L2HGDH: variants seen among roughly 807,000 people sequenced by gnomAD.
L2HGDH encodes L-2-hydroxyglutarate dehydrogenase, mitochondrial.
A neutral mutation model predicts 51.5 loss-of-function variants in L2HGDH; 34 were observed. That is an observed-to-expected ratio of 0.66 (90% CI 0.50 to 0.88). The LOEUF is 0.88. Among genes scored for constraint, L2HGDH ranks in the 40% least tolerant of loss-of-function variants. The pLI, the probability that L2HGDH is intolerant of heterozygous loss-of-function variation, is 0.00. For synonymous variants in L2HGDH, 198 were observed against 197.9 expected, an observed-to-expected ratio of 1.00 and a Z score of -0.01; for missense variants, 558 against 571.9, an observed-to-expected ratio of 0.98 and a Z score of 0.25.
chr14:50,311,950 C>G, intron 1 of L2HGDH, 61 bp downstream of exon 1: 1 of 1,535,200 alleles, frequency 6.5e-7, no homozygotes, highest in Non-Finnish European at 8.7e-7. Context: ...ACAGGTCCAC[C>G]ACCAGGTGCC....
chr14:50,310,111 A>G (rs2030999183), intron 1 of L2HGDH, among the ~76,000 whole-genome samples: 1 of 152,170 alleles, frequency 6.6e-6, no homozygotes, highest in South Asian at 2.1e-4. Context: ...AAAGCTGAAC[A>G]ATGTCCGTGG....
intron 6 of L2HGDH, among the ~76,000 whole-genome samples, chr14:50,276,844 A>T (rs1334734868): frequency 6.6e-6 from 1 of 152,220 alleles, no homozygotes; most frequent in Non-Finnish European, 1.5e-5. Context: ...ATTATCTAAC[A>T]CAGGGTTTCT....
chr14:50,291,951 C>T (rs1367581171), intron 4 of L2HGDH, among the ~76,000 whole-genome samples: 3 of 151,972 alleles, frequency 2.0e-5, no homozygotes, highest in African/African-American at 4.8e-5. Context: ...AACCAATACA[C>T]GAATTTAACT....
At chr14:50,276,973 T>A (rs1464934131) in intron 6 of L2HGDH, among the ~76,000 whole-genome samples, 7 of 152,198 alleles carry the variant, frequency 4.6e-5, no homozygotes, top group African/African-American at 7.2e-5. Context: ...CCAGTAGCTG[T>A]GTCCCTCCCC....
In L2HGDH at chr14:50,242,824, G is replaced by A. The variant is rs1887855475; in HGVS notation, c.*4234C>T. Reference sequence around the variant, plus strand: ...GATAATAGTGTATGCGCAGAAAGATGAGGAAACCTCTGACCAAGAAGTCTA... The same window carrying A: ...GATAATAGTGTATGCGCAGAAAGATAAGGAAACCTCTGACCAAGAAGTCTA... On this transcript the variant is annotated 3_prime_UTR_variant, in exon 10 of 10. Transcript: ENST00000267436. The A allele has an allele frequency of 1.0e-6, 1 of 985,318 alleles. No individual in the cohort carries two copies. The highest frequency in any genetic ancestry group is 4.7e-5 in the South Asian group (1 of 21,284). 61.0% of individuals were successfully genotyped at this position (985,318 alleles called of 1,614,324 possible). A position where few individuals can be genotyped will look rare whatever the true frequency, so the allele number is the denominator to read the frequency against.
chr14:50,293,311 C>T (rs116103825), intron 4 of L2HGDH: 1 of 701,698 alleles, frequency 1.4e-6, no homozygotes, highest in Non-Finnish European at 2.6e-6. Context: ...ACACCTTGAC[C>T]CCTAACTTAT....
At chr14:50,280,815 T>TA (rs1056851540) in intron 5 of L2HGDH, among the ~76,000 whole-genome samples, 4 of 149,950 alleles carry the variant, frequency 2.7e-5, no homozygotes, top group East Asian at 2.0e-4. Flanking sequence ...CGCCCAGCCC[T>TA]AAAAAAAAAA....
rs770621424 is a variant in L2HGDH, at chr14:50,269,264, ACT to A, written c.803_804del (p.Glu268ValfsTer7). ...CAGLYSDRISELSGCTPDPRI... is the reference protein window; with the variant it reads ...CAGLYSDRISXLSGCTPDPRI... ...CGAGGATCAGGAGTGCAGCCACTCA[ACT>A]CTGAAATACGGTCTGAGTAAAGTCC... On this transcript the variant is annotated frameshift_variant, in exon 7 of 10. Coordinates refer to ENST00000267436, the MANE Select transcript of L2HGDH (RefSeq NM_024884.3). LOFTEE classifies it high-confidence loss of function. The A allele has an allele frequency of 6.2e-7, 1 of 1,614,072 alleles. No individual in the cohort carries two copies. Among genetic ancestry groups the A allele is most frequent in the East Asian group, 2.2e-5 (1 of 44,872 alleles).
chr14:50,271,307 TC>T (rs1371152923), intron 6 of L2HGDH, among the ~76,000 whole-genome samples: 3 of 152,170 alleles, frequency 2.0e-5, no homozygotes, highest in Non-Finnish European at 2.9e-5. Context: ...TGCAGATAAG[TC>T]CTATGATAGA....
In L2HGDH at chr14:50,256,137, G is replaced by A. The variant is rs115263117; in HGVS notation, c.1197-8884C>T. Among the ~76,000 whole-genome samples the A allele has an allele frequency of 4.1e-3, 622 of 152,198 alleles. 7 individuals carry two copies. Among genetic ancestry groups the A allele is most frequent in the African/African-American group, 0.013 (531 of 41,540 alleles). On this transcript the variant is annotated intron_variant, in intron 9 of 9. Transcript: ENST00000267436. ...CACTACAGGTTGGAAAAACAGCTAC[G>A]AAAAGCTGTAACAGGCATCTTCAGC...
chr14:50,309,374 C>G (rs2030917351), intron 1 of L2HGDH, among the ~76,000 whole-genome samples: 1 of 152,010 alleles, frequency 6.6e-6, no homozygotes, highest in Non-Finnish European at 1.5e-5. Flanking sequence ...ACCAGCCTGG[C>G]CAACACGGTG....
chr14:50,245,576 G>C lies in L2HGDH; in HGVS notation c.*1482C>G. 7.2e-6 allele frequency: 7 copies of C among 970,050 alleles called. No individual in the cohort carries two copies. The highest frequency in any genetic ancestry group is 8.6e-6 in the Non-Finnish European group (7 of 815,960). 60.1% of individuals were successfully genotyped at this position (970,050 alleles called of 1,614,324 possible). A position where few individuals can be genotyped will look rare whatever the true frequency, so the allele number is the denominator to read the frequency against. ...ATTTTATGTATTTTCTTGAAATCAT[G>C]AATTTTTAATTTCCAAATACAAATA... On this transcript the variant is annotated 3_prime_UTR_variant, in exon 10 of 10. Coordinates refer to ENST00000267436, the MANE Select transcript of L2HGDH (RefSeq NM_024884.3).
chr14:50,293,052 A>G (rs2029868362), intron 4 of L2HGDH, among the ~76,000 whole-genome samples: 1 of 152,048 alleles, frequency 6.6e-6, no homozygotes, highest in Non-Finnish European at 1.5e-5. Flanking sequence ...TTAGCTGGTC[A>G]TGGGGAGCTG....
chr14:50,278,542 G>A lies in L2HGDH; in HGVS notation c.716C>T (p.Pro239Leu). The change falls in exon 6 of 10, where the codon CCA becomes CTA. Residue 239 changes from proline (P) to leucine (L), a missense_variant. Physicochemically the swap from Pro to Leu is moderately conservative, Grantham distance 98. Around this residue, in one of 3 missense-constraint regions of L2HGDH, gnomAD observed 321 missense variants for 311.8 expected, o/e 1.03. Transcript: ENST00000267436. ...TACCTTTGTATTCTTTATAACAATT[G>A]GATATTGCATTCCTGAAAAAAAAGA... ...PSRSIDGMQYPIVIKNTKGEE... is the reference protein window; with the variant it reads ...PSRSIDGMQYLIVIKNTKGEE... The A allele has an allele frequency of 2.7e-6, 4 of 1,475,898 alleles. No individual in the cohort carries two copies. Among genetic ancestry groups the A allele is most frequent in the South Asian group, 1.2e-5 (1 of 84,210 alleles). The allele number at this position is 1,475,898 out of a possible 1,614,324, so 91.4% of individuals were successfully genotyped here.
chr14:50,246,438 ATTT>A lies in L2HGDH; in HGVS notation c.*617_*619del, dbSNP rs35924556. On this transcript the variant is annotated 3_prime_UTR_variant, in exon 10 of 10. Transcript: ENST00000267436. The stretch of plus-strand genomic sequence containing the variant: ...TCATTCACTATGTTGCCCAGGCTGG[ATTT>A]TTTTTTTTTTTTTTTTTTTTTTTGA... 290 of 62,886 alleles carry A rather than the reference ATTT, an allele frequency of 4.6e-3. 1 individual carries two copies. Among genetic ancestry groups the A allele is most frequent in the African/African-American group, 0.022 (278 of 12,820 alleles). The allele number at this position is 62,886 out of a possible 1,614,324, so 3.9% of individuals were successfully genotyped here. A position where few individuals can be genotyped will look rare whatever the true frequency, so the allele number is the denominator to read the frequency against.
In L2HGDH at chr14:50,283,974, C is replaced by G; in HGVS notation, c.600G>C (p.Leu200Phe). Residue 200 changes from leucine to phenylalanine, a missense_variant, in exon 5 of 10, where the codon TTG becomes TTC. By Grantham distance (22) the Leu-to-Phe change is conservative. Coordinates refer to ENST00000267436, the MANE Select transcript of L2HGDH (RefSeq NM_024884.3). ...TGIVDYRQVA[L>F]SFAQDFQEAG... ...CTTCTTGGAAATCCTGGGCAAATGA[C>G]AAAGCCACCTGCCGATAGTCCACAA... 6.2e-7 allele frequency: 1 copy of G among 1,614,080 alleles called. No homozygotes were observed.
At chr14:50,264,184 C>T (rs1487476500) in intron 9 of L2HGDH, among the ~76,000 whole-genome samples, 5 of 150,430 alleles carry the variant, frequency 3.3e-5, no homozygotes, top group Non-Finnish European at 4.4e-5. Flanking sequence ...GTTTGAGACC[C>T]GCCTGGCTAA....
intron 4 of L2HGDH, 53 bp downstream of exon 4, chr14:50,294,062 C>G: frequency 6.3e-7 from 1 of 1,595,158 alleles, no homozygotes; most frequent in Non-Finnish European, 8.6e-7. Context: ...CCCTCAGCCT[C>G]CATGTCTCAG....
chr14:50,294,053 C>T, intron 4 of L2HGDH, 62 bp downstream of exon 4: 1 of 1,577,384 alleles, frequency 6.3e-7, no homozygotes, highest in Non-Finnish European at 8.7e-7. Flanking sequence ...ATACACTCAC[C>T]CTCAGCCTCC....
Sources: allele counts gnomAD v4.1 joint callset (sites outside exome capture counted in the v4.1 genomes callset), GRCh38; gene constraint gnomAD v4.1.1; regional missense constraint gnomAD v4.1.1; transcripts MANE v1.5; gene names NCBI Gene and HGNC (gene_info 2026-07-23, HGNC 2026-07-21).